Variants in DCTN5 observed in about 807,000 individuals in gnomAD.
DCTN5 encodes dynactin subunit 5, also known as dynactin 4.
Under a neutral mutation model 23.5 loss-of-function variants are expected in DCTN5, and 14 were observed. That is an observed-to-expected ratio of 0.60 (90% confidence interval 0.39 to 0.93). DCTN5 has a LOEUF of 0.93. Among genes scored for constraint, DCTN5 ranks in the 40% least tolerant of loss-of-function variants. The pLI is 0.00. For synonymous variants in DCTN5, 67 were observed against 79.6 expected (o/e 0.84, Z 0.84); for missense variants, 156 against 225.9 (o/e 0.69, Z 1.98).
At chr16:23,650,875 G>C (rs1308780170) in intron 2 of DCTN5, 1 of 1,414,388 alleles carries the variant, frequency 7.1e-7, no homozygotes, top group African/African-American at 1.4e-5. Flanking sequence ...GGTGGGGCCT[G>C]GTGAATTGGA....
chr16:23,650,913 G>A (rs954231276), intron 2 of DCTN5: 35 of 1,395,176 alleles, frequency 2.5e-5, no homozygotes, highest in Non-Finnish European at 3.4e-5. Flanking sequence ...GCCCAAGCTG[G>A]TTGTTACTGT....
rs1286376094 is a variant in DCTN5 at position 23,670,214 on chromosome 16, T to C, written c.*3070T>C. 3 of 152,264 alleles carry C rather than the reference T, an allele frequency of 2.0e-5. No individual in the cohort carries two copies. The highest frequency in any genetic ancestry group is 7.2e-5 in the African/African-American group (3 of 41,440). The allele number at this position is 152,264 out of a possible 1,614,324, so 9.4% of individuals were successfully genotyped here. A position where few individuals can be genotyped will look rare whatever the true frequency, so the allele number is the denominator to read the frequency against. On this transcript the variant is annotated 3_prime_UTR_variant, in exon 6 of 6. Transcript: ENST00000300087. ...TGCTGCAGGGAACAAAGGTGAATGA[T>C]TGTCTTGTGAGCCTCCTGTTGACTG...
Position 23,675,551 on chromosome 16 carries a change from A to T in DCTN5, c.*8407A>T, listed in dbSNP as rs974446139. The T allele has an allele frequency of 6.6e-6, 1 of 152,170 alleles. No homozygotes were observed. The highest frequency in any genetic ancestry group is 6.5e-5 in the Admixed American group (1 of 15,268). 9.4% of individuals were successfully genotyped at this position (152,170 alleles called of 1,614,324 possible). Reference sequence around the variant, plus strand: ...ACAAAAATGCTTTTGTGCCTCTTACATACAACCCTTCCAGAGGAAAGGCCT... The same window carrying T: ...ACAAAAATGCTTTTGTGCCTCTTACTTACAACCCTTCCAGAGGAAAGGCCT... On this transcript the variant is annotated 3_prime_UTR_variant, in exon 6 of 6. Coordinates refer to ENST00000300087, the MANE Select transcript of DCTN5 (RefSeq NM_032486.4).
intron 3 of DCTN5, among the ~76,000 whole-genome samples, chr16:23,660,218 T>C (rs1295819791): frequency 2.6e-5 from 4 of 152,166 alleles, no homozygotes; most frequent in Non-Finnish European, 4.4e-5. Flanking sequence ...TTTAAACAAA[T>C]TATAGGTTCG....
rs375803526 is a variant in DCTN5 at position 23,661,791 on chromosome 16, AG to A, written c.348+511del. On this transcript the variant is annotated intron_variant, in intron 4 of 5. Transcript: ENST00000300087. The stretch of plus-strand genomic sequence containing the variant: ...TATTTTCTAGACATTAATACGGGCA[AG>A]CGTTTATCAAGTCTCCTCTATATGA... 2.7e-4 allele frequency among the ~76,000 whole-genome samples: 41 copies of A among 152,172 alleles called. 1 individual carries two copies. The South Asian group carries it at 8.5e-3, about 32-fold the overall frequency.
rs982146266 is a variant in DCTN5, at chr16:23,670,088, T to C, written c.*2944T>C. The C allele has an allele frequency of 6.6e-6, 1 of 152,148 alleles. No individual in the cohort carries two copies. Among genetic ancestry groups the C allele is most frequent in the Non-Finnish European group, 1.5e-5 (1 of 68,052 alleles). 9.4% of individuals were successfully genotyped at this position (152,148 alleles called of 1,614,324 possible). A position where few individuals can be genotyped will look rare whatever the true frequency, so the allele number is the denominator to read the frequency against. On this transcript the variant is annotated 3_prime_UTR_variant, in exon 6 of 6. Transcript: ENST00000300087. Reference sequence around the variant, plus strand: ...ATCTAGCACATCCTTAATAGAATGATTGCCTGGATGTGACCACCCTCACCC... The same window carrying C: ...ATCTAGCACATCCTTAATAGAATGACTGCCTGGATGTGACCACCCTCACCC...
At chr16:23,663,094 C>T (rs545469640) in intron 4 of DCTN5, among the ~76,000 whole-genome samples, 2 of 152,308 alleles carry the variant, frequency 1.3e-5, no homozygotes, top group East Asian at 3.9e-4. Context: ...TGACACATAG[C>T]TCCTTCCTAT....
At chr16:23,642,284 A>G (rs988882397) in intron 1 of DCTN5, among the ~76,000 whole-genome samples, 7 of 152,190 alleles carry the variant, frequency 4.6e-5, no homozygotes, top group Non-Finnish European at 2.9e-5. Context: ...TCTTGGAAAC[A>G]GGGCAAGTGG....
intron 3 of DCTN5, 63 bp from the exon 4 acceptor site, chr16:23,661,107 T>G (rs1967801073): frequency 2.5e-6 from 3 of 1,180,058 alleles, no homozygotes; most frequent in Non-Finnish European, 3.8e-6. Context: ...TGTAGTTCTA[T>G]AAACCTTGAC....
Position 23,668,180 on chromosome 16 carries a change from A to G in DCTN5, c.*1036A>G, listed in dbSNP as rs934038795. On this transcript the variant is annotated 3_prime_UTR_variant, in exon 6 of 6. Transcript: ENST00000300087. ...TTCTGCTCTGACCTCTTAGCTTAGA[A>G]GGAAGATTCAGAAGTGAGGGGCTAA... The G allele has an allele frequency of 2.0e-5, 3 of 152,228 alleles. No homozygotes were observed. The highest frequency in any genetic ancestry group is 7.2e-5 in the African/African-American group (3 of 41,462). The allele number at this position is 152,228 out of a possible 1,614,324, so 9.4% of individuals were successfully genotyped here.
rs1968006100 is a variant in DCTN5 at position 23,671,460 on chromosome 16, T to C, written c.*4316T>C. ...CAAACAAGAGATGGAGAAATCACCC[T>C]TCCTTGTTTTGTATCTATGGGGTGC... On this transcript the variant is annotated 3_prime_UTR_variant, in exon 6 of 6. Coordinates refer to ENST00000300087, the MANE Select transcript of DCTN5 (RefSeq NM_032486.4). 6.6e-6 allele frequency: 1 copy of C among 152,206 alleles called. No individual in the cohort carries two copies. The highest frequency in any genetic ancestry group is 6.5e-5 in the Admixed American group (1 of 15,280). 9.4% of individuals were successfully genotyped at this position (152,206 alleles called of 1,614,324 possible). A position where few individuals can be genotyped will look rare whatever the true frequency, so the allele number is the denominator to read the frequency against.
At chr16:23,663,193 T>G (rs1967846422) in intron 4 of DCTN5, among the ~76,000 whole-genome samples, 1 of 152,246 alleles carries the variant, frequency 6.6e-6, no homozygotes, top group African/African-American at 2.4e-5. Context: ...AAGGAAAAGC[T>G]TAACAAGCAA....
Position 23,667,072 on chromosome 16 carries a change from G to A in DCTN5, c.477G>A (p.Glu159=), listed in dbSNP as rs1462942506. 3 of 1,613,600 alleles carry A rather than the reference G, an allele frequency of 1.9e-6. No individual in the cohort carries two copies. Among genetic ancestry groups the A allele is most frequent in the African/African-American group, 2.7e-5 (2 of 74,890 alleles). ...CPGLFSGELP[E]CTQELMIDVT... ...GACTCTTCTCAGGGGAGCTCCCGGA[G>A]TGCACTCAGGAGCTGATGATTGACG... Residue 159 remains glutamate (E), a synonymous_variant, in exon 6 of 6, where the codon GAG becomes GAA. Transcript: ENST00000300087.
rs1368227810 is a variant in DCTN5 at position 23,670,775 on chromosome 16, C to T, written c.*3631C>T. The T allele has an allele frequency of 6.6e-6, 1 of 151,024 alleles. No individual in the cohort carries two copies. Among genetic ancestry groups the T allele is most frequent in the Admixed American group, 6.6e-5 (1 of 15,136 alleles). The allele number at this position is 151,024 out of a possible 1,614,324, so 9.4% of individuals were successfully genotyped here. On this transcript the variant is annotated 3_prime_UTR_variant, in exon 6 of 6. Transcript: ENST00000300087. ...TCCCATAAGTACATGATAACTGAAA[C>T]ACTTCTAGAGCCCCCCAGCAATGGG...
intron 2 of DCTN5, among the ~76,000 whole-genome samples, chr16:23,645,083 C>CTATATATATATA (rs869302728): frequency 1.2e-4 from 4 of 33,120 alleles, no homozygotes; most frequent in Non-Finnish European, 2.1e-4. Context: ...CCCAGCCTAA[C>CTATATATATATA]TATATATATA....
At chr16:23,662,041 C>A (rs1035228394) in intron 4 of DCTN5, among the ~76,000 whole-genome samples, 43 of 150,384 alleles carry the variant, frequency 2.9e-4, no homozygotes, top group African/African-American at 9.9e-4. Flanking sequence ...CAAAGCAAGA[C>A]CCTTTCTCTT....
At chr16:23,643,080 C>A in intron 2 of DCTN5, 57 bp downstream of exon 2, 2 of 1,411,098 alleles carry the variant, frequency 1.4e-6, no homozygotes, top group South Asian at 1.2e-5. Flanking sequence ...TGCTAATTGT[C>A]ACCACAGCAG....
At position 23,661,222 on chromosome 16, in the gene DCTN5, T is replaced by TGTGTG; in HGVS notation, c.292_296dup (p.Asn100TrpfsTer18). 1 of 1,613,210 alleles carries TGTGTG rather than the reference T, an allele frequency of 6.2e-7. No individual in the cohort carries two copies. Among genetic ancestry groups the TGTGTG allele is most frequent in the Non-Finnish European group, 8.5e-7 (1 of 1,179,668 alleles). ...AGACCATGTCTTTATTGAGGAAGAT[T>TGTGTG]GTGTGGTCAACGCAGCACAGATTGG... On this transcript the variant is annotated frameshift_variant, in exon 4 of 6. Transcript: ENST00000300087. LOFTEE classifies it high-confidence loss of function.
intron 2 of DCTN5, among the ~76,000 whole-genome samples, chr16:23,656,286 C>T (rs1224142180): frequency 6.6e-6 from 1 of 152,166 alleles, no homozygotes; most frequent in Non-Finnish European, 1.5e-5. Flanking sequence ...GTAAAAACTC[C>T]AGTACTTCCT....
Sources: gnomAD v4.1 joint callset for allele counts (sites outside exome capture counted in the v4.1 genomes callset) on GRCh38, gnomAD v4.1.1 for gene constraint, MANE v1.5 for transcripts, NCBI Gene and HGNC (gene_info 2026-07-23, HGNC 2026-07-21) for gene names.